The following ZNF423 variants were observed in gnomAD, a reference collection of about 807,000 sequenced individuals.
ZNF423 encodes Ebf-associated zinc finger protein.
In ZNF423, 12 loss-of-function variants were observed where a neutral mutation model predicts 95.8. The observed-to-expected ratio is 0.13, with a 90% CI of 0.08 to 0.20. The LOEUF (loss-of-function observed/expected upper bound fraction) is 0.20. ZNF423 is among the 10% of genes least tolerant of loss of function. The pLI is 1.00. For missense variants in ZNF423, 1,316 were observed against 1,737.1 expected, an observed-to-expected ratio of 0.76 and a Z score of 4.31; for synonymous variants, 749 against 711.9, an observed-to-expected ratio of 1.05 and a Z score of -0.83.
intron 5 of ZNF423, among the ~76,000 whole-genome samples, chr16:49,612,945 A>G (rs1169787413): frequency 1.3e-5 from 2 of 152,254 alleles, no homozygotes; most frequent in Non-Finnish European, 2.9e-5. Flanking sequence ...AATTAAAATA[A>G]TTAGATACAT....
At chr16:49,598,584 G>A (rs1360949795) in intron 5 of ZNF423, among the ~76,000 whole-genome samples, 3 of 152,222 alleles carry the variant, frequency 2.0e-5, no homozygotes, top group South Asian at 2.1e-4. Context: ...TGGTGAGCAC[G>A]CGCACTGGGG....
chr16:49,497,372 TGAG>T (rs1401164673), intron 7 of ZNF423, among the ~76,000 whole-genome samples: 1 of 152,184 alleles, frequency 6.6e-6, no homozygotes, highest in Non-Finnish European at 1.5e-5. Context: ...AATTTCATGG[TGAG>T]GGTGCCGATG....
At chr16:49,721,641 C>T (rs927107837) in intron 3 of ZNF423, among the ~76,000 whole-genome samples, 4 of 152,258 alleles carry the variant, frequency 2.6e-5, no homozygotes, top group South Asian at 2.1e-4. Context: ...CAACACCCAT[C>T]GTGCCAGGCG....
At chr16:49,822,573 A>G in intron 1 of ZNF423, 1 of 993,864 alleles carries the variant, frequency 1.0e-6, no homozygotes, top group South Asian at 1.8e-5. Context: ...AAGGGATGAG[A>G]CCCACATTGT....
At chr16:49,779,802 C>T (rs1304840852) in intron 2 of ZNF423, among the ~76,000 whole-genome samples, 2 of 152,302 alleles carry the variant, frequency 1.3e-5, no homozygotes, top group East Asian at 1.9e-4. Context: ...CCTCAGGGAG[C>T]ACCCCAGCTT....
chr16:49,571,498 G>A (rs540048447), intron 5 of ZNF423, among the ~76,000 whole-genome samples: 1 of 152,240 alleles, frequency 6.6e-6, no homozygotes, highest in South Asian at 2.1e-4. Flanking sequence ...AAAGGCCTGT[G>A]GCTGGAATGC....
intron 5 of ZNF423, among the ~76,000 whole-genome samples, chr16:49,581,732 G>A (rs976605992): frequency 6.6e-5 from 10 of 152,174 alleles, no homozygotes; most frequent in Middle Eastern, 3.4e-3. Flanking sequence ...TCGTTTCCCC[G>A]TTTCTCTTTG....
At position 49,638,383 on chromosome 16, in the gene ZNF423, C is replaced by T. The variant is rs1246643011; in HGVS notation, c.793G>A (p.Glu265Lys). ...NKEHLAKSEK[E>K]AKKDDFMCDY... ...CACATGAAGTCGTCCTTCTTGGCTT[C>T]CTTCTCCGACTTGGCCAGATGCTCC... Residue 265 changes from glutamate (E) to lysine (K), a missense_variant, in exon 4 of 8, where the codon GAA becomes AAA. Physicochemically the swap from Glu to Lys is moderately conservative, Grantham distance 56 (BLOSUM62 1). Coordinates refer to ENST00000563137, the MANE Select transcript of ZNF423 (RefSeq NM_001379286.1). This position sits in a 1 kb window ranked among gnomAD's most constrained non-coding sequence, Gnocchi z 5.6. The T allele has an allele frequency of 2.5e-6, 4 of 1,613,882 alleles. No individual in the cohort carries two copies. The highest frequency in any genetic ancestry group is 3.4e-6 in the Non-Finnish European group (4 of 1,180,042).
chr16:49,495,698 C>T (rs958471330), intron 7 of ZNF423, among the ~76,000 whole-genome samples: 1 of 152,168 alleles, frequency 6.6e-6, no homozygotes, highest in African/African-American at 2.4e-5. Context: ...CCGCCACACA[C>T]TAGAGGGAAT....
chr16:49,635,370 T>C lies in ZNF423; in HGVS notation c.3516+290A>G, dbSNP rs555426637. Among the ~76,000 whole-genome samples the C allele has an allele frequency of 1.3e-5, 2 of 152,348 alleles. No individual in the cohort carries two copies. The highest frequency in any genetic ancestry group is 4.8e-5 in the African/African-American group (2 of 41,578). ...CATTACCTGTATGATGTCCTCGGCC[T>C]CTTACAACAATTCTCTGAGGTTGGG... On this transcript the variant is annotated intron_variant, in intron 4 of 7. Transcript: ENST00000563137. This position sits in a 1 kb window ranked among gnomAD's most constrained non-coding sequence, Gnocchi z 4.8.
At chr16:49,813,957 A>G (rs771715791) in intron 1 of ZNF423, among the ~76,000 whole-genome samples, 1 of 151,042 alleles carries the variant, frequency 6.6e-6, no homozygotes, top group Non-Finnish European at 1.5e-5. Flanking sequence ...GCTCCTGCAG[A>G]AGAAGCTGGA....
chr16:49,710,134 C>T (rs2032497276), intron 3 of ZNF423, among the ~76,000 whole-genome samples: 1 of 152,242 alleles, frequency 6.6e-6, no homozygotes, highest in African/African-American at 2.4e-5. Flanking sequence ...TCTCCCTTGA[C>T]TTGCACACAG....
chr16:49,501,322 A>G (rs1967390354), intron 7 of ZNF423, among the ~76,000 whole-genome samples: 1 of 152,222 alleles, frequency 6.6e-6, no homozygotes, highest in East Asian at 1.9e-4. Flanking sequence ...TGACTGCCAC[A>G]TGCGAATATA....
chr16:49,785,737 G>A (rs1245326819), intron 2 of ZNF423, among the ~76,000 whole-genome samples: 3 of 152,198 alleles, frequency 2.0e-5, no homozygotes, highest in African/African-American at 4.8e-5. Context: ...GCCCCCTCAC[G>A]TATCAGCCCA....
At position 49,488,359 on chromosome 16, in the gene ZNF423, A is replaced by G. The variant is rs1966874700; in HGVS notation, c.*2916T>C. 7.1e-6 allele frequency: 1 copy of G among 140,872 alleles called. No homozygotes were observed. The highest frequency in any genetic ancestry group is 2.4e-5 in the African/African-American group (1 of 41,136). 8.7% of individuals were successfully genotyped at this position (140,872 alleles called of 1,614,324 possible). On this transcript the variant is annotated 3_prime_UTR_variant, in exon 8 of 8. Transcript: ENST00000563137. ...GCACTCTGGGCAGGTGTTCCATGAC[A>G]GGGGCCTGTGGCCCAAGGGTCCTGG...
chr16:49,704,361 C>CGTAG (rs2143027644), intron 3 of ZNF423, among the ~76,000 whole-genome samples: 1 of 152,300 alleles, frequency 6.6e-6, no homozygotes, highest in South Asian at 2.1e-4. Flanking sequence ...CTCAGTCCTA[C>CGTAG]CCACAGGGCT....
At chr16:49,545,479 G>C (rs892109562) in intron 5 of ZNF423, among the ~76,000 whole-genome samples, 187 of 152,260 alleles carry the variant, frequency 1.2e-3, no homozygotes, top group African/African-American at 4.2e-3. Context: ...CCTGCTCAGA[G>C]CCTGTGAGCT....
intron 7 of ZNF423, 29 bp downstream of exon 7, chr16:49,523,595 G>T: frequency 1.9e-6 from 3 of 1,584,966 alleles, no homozygotes; most frequent in South Asian, 2.2e-5. Context: ...ACCATCAGGC[G>T]GCGTGGTGCA....
At chr16:49,726,089 G>A (rs184398830) in intron 3 of ZNF423, among the ~76,000 whole-genome samples, 46 of 152,268 alleles carry the variant, frequency 3.0e-4, no homozygotes, top group African/African-American at 9.1e-4. Flanking sequence ...CTCCAGCCCC[G>A]GGGACCTGGG....
Sources: gnomAD v4.1 joint callset for allele counts (sites outside exome capture counted in the v4.1 genomes callset) on GRCh38, gnomAD v4.1.1 for gene constraint, Gnocchi (gnomAD v3.1) non-coding constraint, MANE v1.5 for transcripts, NCBI Gene and HGNC (gene_info 2026-07-23, HGNC 2026-07-21) for gene names.